TEX15: variants seen among roughly 807,000 people sequenced by gnomAD.
TEX15 encodes the protein testis expressed 15, meiosis and synapsis associated.
Under a neutral mutation model 237.3 loss-of-function variants are expected in TEX15, and 171 were observed. That is an observed-to-expected ratio of 0.72 (90% CI 0.64 to 0.82). The LOEUF is 0.82. TEX15 is among the 40% of genes least tolerant of loss of function. TEX15 has a pLI of 0.00. For synonymous variants in TEX15, 1,338 were observed against 1,269.8 expected (o/e 1.05, Z -1.14); for missense variants, 3,750 against 3,646.5 (o/e 1.03, Z -0.73).
At chr8:30,838,824 AT>A (rs1364219383) in intron 9 of TEX15, among the ~76,000 whole-genome samples, 2 of 74,964 alleles carry the variant, frequency 2.7e-5, no homozygotes, top group Admixed American at 1.4e-4. Flanking sequence ...ATATATATGA[AT>A]TTTTTTTTGA....
At chr8:30,866,726 TACAC>T (rs148604518) in intron 5 of TEX15, among the ~76,000 whole-genome samples, 14 of 148,940 alleles carry the variant, frequency 9.4e-5, no homozygotes, top group Non-Finnish European at 1.5e-4. Flanking sequence ...GACACACACA[TACAC>T]ACACACACAC....
In TEX15 at chr8:30,847,595, G is replaced by T. The variant is rs747476375; in HGVS notation, c.2572C>A (p.Gln858Lys). Residue 858 changes from glutamine to lysine, a missense_variant, in exon 8 of 11, where the codon CAA (glutamine) becomes AAA (lysine). Transcript: ENST00000643185. ...TCATTTTGGTTTTCTCTATCTGTTT[G>T]TTTTTTGAAATTAACATTCAGCCAT... Reference protein sequence around the residue: ...DIWLNVNFKKQTDRENQNEAK... With the variant: ...DIWLNVNFKKKTDRENQNEAK... The T allele has an allele frequency of 1.2e-6, 2 of 1,612,574 alleles. No individual in the cohort carries two copies. The highest frequency in any genetic ancestry group is 1.1e-5 in the South Asian group (1 of 90,866).
At chr8:30,856,582 T>C (rs946504848) in intron 7 of TEX15, among the ~76,000 whole-genome samples, 1 of 152,000 alleles carries the variant, frequency 6.6e-6, no homozygotes, top group African/African-American at 2.4e-5. Context: ...ATACCTTAAA[T>C]TTTAAAACTG....
rs1301223849 is a variant in TEX15 at position 30,842,035 on chromosome 8, T to C, written c.8132A>G (p.Asp2711Gly). 5 of 1,604,928 alleles carry C rather than the reference T, an allele frequency of 3.1e-6. No homozygotes were observed. Among genetic ancestry groups the C allele is most frequent in the African/African-American group, 1.3e-5 (1 of 74,388 alleles). Residue 2711 changes from aspartate (D) to glycine (G), a missense_variant, in exon 8 of 11, where the codon GAT becomes GGT. Asp to Gly is a moderately conservative substitution (Grantham distance 94). Transcript: ENST00000643185. ...KCEDSQEQQQDTTVSSCKKLK... is the reference protein window; with the variant it reads ...KCEDSQEQQQGTTVSSCKKLK... Reference sequence around the variant, plus strand: ...CTTTTTACAACTGGAAACAGTAGTATCTTGCTGTTGTTCCTGAGAGTCTTC... The same window carrying C: ...CTTTTTACAACTGGAAACAGTAGTACCTTGCTGTTGTTCCTGAGAGTCTTC...
intron 2 of TEX15, chr8:30,888,553 T>C: frequency 8.7e-7 from 1 of 1,152,602 alleles, no homozygotes; most frequent in Non-Finnish European, 1.2e-6. Flanking sequence ...TTAACCTCTT[T>C]AAGTAGAACT....
At position 30,847,397 on chromosome 8, in the gene TEX15, A is replaced by T; in HGVS notation, c.2770T>A (p.Leu924Met). The T allele has an allele frequency of 6.2e-7, 1 of 1,612,708 alleles. No homozygotes were observed. Among genetic ancestry groups the T allele is most frequent in the South Asian group, 1.1e-5 (1 of 90,656 alleles). Residue 924 changes from leucine to methionine, a missense_variant, in exon 8 of 11, where the codon TTG becomes ATG. By Grantham distance (15) the Leu-to-Met change is conservative. Coordinates refer to ENST00000643185, the MANE Select transcript of TEX15 (RefSeq NM_001350162.2). ...ACTGCATTATCTTCTCTGCAAATCA[A>T]GTTAAATTTAGTAGAAAATTCTTCA... ...SSEEFSTKFN[L>M]ICREDNAVSA...
At chr8:30,856,598 A>T (rs1392664263) in intron 7 of TEX15, among the ~76,000 whole-genome samples, 1 of 152,130 alleles carries the variant, frequency 6.6e-6, no homozygotes, top group Non-Finnish European at 1.5e-5. Context: ...AACTGTGGTG[A>T]TGATTGCACA....
chr8:30,848,950 A>G lies in TEX15; in HGVS notation c.1217T>C (p.Ile406Thr). 2.5e-6 allele frequency: 4 copies of G among 1,614,168 alleles called. No homozygotes were observed. The highest frequency in any genetic ancestry group is 3.4e-6 in the Non-Finnish European group (4 of 1,180,020). Residue 406 changes from isoleucine (I) to threonine (T), a missense_variant, in exon 8 of 11, where the codon ATT becomes ACT. Physicochemically the swap from Ile to Thr is moderately conservative, Grantham distance 89. Transcript: ENST00000643185. ...AAAAGAAGCATTAAGACCACTTAAA[A>G]TATTTTTAAGACTTGTCCAATTTAA... ...LLLNWTSLKN[I>T]LSGLNASFPL...
In TEX15 at chr8:30,845,218, A is replaced by G. The variant is rs1440535730; in HGVS notation, c.4949T>C (p.Leu1650Pro). ...CACATTTGAATCTAAGACTGATATA[A>G]GTACGTCAGTTTTCGCCTTTGTGTG... ...IGHTKAKTDVLISVLDSNVKH... is the reference protein window; with the variant it reads ...IGHTKAKTDVPISVLDSNVKH... Residue 1650 changes from leucine to proline, a missense_variant, in exon 8 of 11, where the codon CTT (leucine) becomes CCT (proline). By Grantham distance (98) the Leu-to-Pro change is moderately conservative. Transcript: ENST00000643185. The G allele has an allele frequency of 1.2e-6, 2 of 1,613,510 alleles. No homozygotes were observed. Among genetic ancestry groups the G allele is most frequent in the Non-Finnish European group, 1.7e-6 (2 of 1,179,506 alleles).
chr8:30,888,717 A>T, intron 2 of TEX15: 1 of 1,175,832 alleles, frequency 8.5e-7, no homozygotes, highest in Non-Finnish European at 1.1e-6. Context: ...AAATTAAAAG[A>T]TGCTAAAATT....
rs1221827793 is a variant in TEX15, at chr8:30,867,516, A to C, written c.303-14T>G. ...CGCATCTCTGACCTAAAGTAAAACA[A>C]ACAATGTATACAGTTAAAGATAAAT... On this transcript the variant is annotated splice_polypyrimidine_tract_variant and intron_variant, in intron 4 of 10. Coordinates refer to ENST00000643185, the MANE Select transcript of TEX15 (RefSeq NM_001350162.2). 9 of 1,434,608 alleles carry C rather than the reference A, an allele frequency of 6.3e-6. No individual in the cohort carries two copies. Among genetic ancestry groups the C allele is most frequent in the Non-Finnish European group, 8.5e-6 (9 of 1,055,248 alleles). The allele number at this position is 1,434,608 out of a possible 1,614,324, so 88.9% of individuals were successfully genotyped here. A position where few individuals can be genotyped will look rare whatever the true frequency, so the allele number is the denominator to read the frequency against.
In TEX15 at chr8:30,841,921, T is replaced by A; in HGVS notation, c.8163+83A>T. The A allele has an allele frequency of 3.1e-6, 3 of 956,408 alleles. No homozygotes were observed. In the South Asian group the frequency reaches 6.5e-5, roughly 21 times the overall value. The allele number at this position is 956,408 out of a possible 1,614,324, so 59.2% of individuals were successfully genotyped here. A position where few individuals can be genotyped will look rare whatever the true frequency, so the allele number is the denominator to read the frequency against. Reference sequence around the variant, plus strand: ...AATTTACCATTCTTAACTTTTAGAATTCTGCAAACTACTTGTTTGCTTATG... The same window carrying A: ...AATTTACCATTCTTAACTTTTAGAAATCTGCAAACTACTTGTTTGCTTATG... On this transcript the variant is annotated intron_variant, in intron 8 of 10. Coordinates refer to ENST00000643185, the MANE Select transcript of TEX15 (RefSeq NM_001350162.2).
chr8:30,882,946 A>AT (rs1363518699), intron 3 of TEX15, among the ~76,000 whole-genome samples: 1 of 151,850 alleles, frequency 6.6e-6, no homozygotes, highest in Non-Finnish European at 1.5e-5. Flanking sequence ...TAATTCTTGT[A>AT]TTTTTTGTAG....
rs534315518 is a variant in TEX15, at chr8:30,851,484, A to G, written c.851-2168T>C. 4.7e-5 allele frequency among the ~76,000 whole-genome samples: 7 copies of G among 149,746 alleles called. No individual in the cohort carries two copies. The East Asian group carries it at 8.0e-4, about 17-fold the overall frequency. On this transcript the variant is annotated intron_variant, in intron 7 of 10. Transcript: ENST00000643185. ...GTCTCTACTAAAAATACAAAAAACT[A>G]GCCAGACGTGGTGGTGTGTGCCTGT...
intron 7 of TEX15, among the ~76,000 whole-genome samples, chr8:30,853,000 GTCTGGTGTAC>G (rs970701833): frequency 2.0e-5 from 3 of 152,144 alleles, no homozygotes; most frequent in Non-Finnish European, 4.4e-5. Context: ...AGATAGTGTA[GTCTGGTGTAC>G]TCTGGAGGGA....
In TEX15 at chr8:30,912,117, G is replaced by A. The variant is rs957402871; in HGVS notation, c.-86+762C>T. ...CCTCAGGCGCCCGCGTCGGAGCCCA[G>A]CTACCCCCGCGCCGCCCTCACCTAC... On this transcript the variant is annotated intron_variant, in intron 1 of 10. Coordinates refer to ENST00000643185, the MANE Select transcript of TEX15 (RefSeq NM_001350162.2). Among the ~76,000 whole-genome samples the A allele has an allele frequency of 2.6e-5, 4 of 152,324 alleles. No homozygotes were observed. The East Asian group carries it at 7.7e-4, about 29-fold the overall frequency.
chr8:30,850,035 T>A (rs1807741919), intron 7 of TEX15, among the ~76,000 whole-genome samples: 1 of 151,418 alleles, frequency 6.6e-6, no homozygotes. Flanking sequence ...GAAGGCAAAA[T>A]AATCTCCCTC....
intron 7 of TEX15, among the ~76,000 whole-genome samples, chr8:30,851,487 C>T (rs1238373492): frequency 6.7e-6 from 1 of 148,464 alleles, no homozygotes. Flanking sequence ...AAAAACTAGC[C>T]AGACGTGGTG....
In TEX15 at chr8:30,837,719, G is replaced by C. The variant is rs754407181; in HGVS notation, c.8565C>G (p.Asp2855Glu). The change falls in exon 10 of 11, where the codon GAC (aspartate) becomes GAG (glutamate). Residue 2855 changes from aspartate (D) to glutamate (E), a missense_variant. Asp to Glu is a conservative substitution (Grantham distance 45). Transcript: ENST00000643185. ...GAAATTTCTGCAAAAGCGTCCCATG[G>C]TCTGGTGAAAATGTGCCATGTACAC... Reference protein sequence around the residue: ...QKSVHGTFSPDHGTLLQKFLK... With the variant: ...QKSVHGTFSPEHGTLLQKFLK... 1.5e-5 allele frequency: 25 copies of C among 1,613,966 alleles called. No homozygotes were observed. The highest frequency in any genetic ancestry group is 3.3e-4 in the Middle Eastern group (2 of 6,084).
Sources: gnomAD v4.1 joint callset for allele counts (sites outside exome capture counted in the v4.1 genomes callset) on GRCh38, gnomAD v4.1.1 for gene constraint, MANE v1.5 for transcripts, NCBI Gene and HGNC (gene_info 2026-07-23, HGNC 2026-07-21) for gene names.